SGCZ: variants seen among roughly 807,000 people sequenced by gnomAD.
SGCZ encodes the protein sarcoglycan zeta, also known as zeta-sarcoglycan.
SGCZ carries 40 observed loss-of-function variants against 41.3 expected under a neutral mutation model. That is an observed-to-expected ratio of 0.97 (90% CI 0.75 to 1.26). The LOEUF (loss-of-function observed/expected upper bound fraction) is 1.26. Among genes scored for constraint, SGCZ ranks in the 50% most tolerant of loss-of-function variants. SGCZ has a pLI of 0.00. For missense variants in SGCZ, 552 were observed against 369.8 expected, an observed-to-expected ratio of 1.49 and a Z score of -4.04; for synonymous variants, 206 against 137.5, an observed-to-expected ratio of 1.50 and a Z score of -3.49.
chr8:14,606,127 G>A (rs1805741009), intron 1 of SGCZ, among the ~76,000 whole-genome samples: 1 of 151,766 alleles, frequency 6.6e-6, no homozygotes, highest in South Asian at 2.1e-4. Context: ...GAGGAACAAT[G>A]TATAGCCATG....
Position 15,187,828 on chromosome 8 carries a change from T to G in SGCZ, c.39+49757A>C, listed in dbSNP as rs550493614. On this transcript the variant is annotated intron_variant, in intron 1 of 7. Coordinates refer to ENST00000382080, the MANE Select transcript of SGCZ (RefSeq NM_139167.4). ...CCAATTCAAGTGCTTTCTCCAAATGTAGCATTTAAATTCCAAGTAAACTAT... is the reference window on the plus strand; with the variant it reads ...CCAATTCAAGTGCTTTCTCCAAATGGAGCATTTAAATTCCAAGTAAACTAT... Among the ~76,000 whole-genome samples, 88 of 152,126 alleles carry G rather than the reference T, an allele frequency of 5.8e-4. 2 individuals carry two copies. The South Asian group carries it at 0.018, about 31-fold the overall frequency.
intron 1 of SGCZ, among the ~76,000 whole-genome samples, chr8:14,561,167 C>T (rs907917715): frequency 1.3e-5 from 2 of 152,076 alleles, no homozygotes; most frequent in Non-Finnish European, 2.9e-5. Flanking sequence ...TGCAAACTAT[C>T]CTCCATTTGA....
chr8:15,192,739 T>A (rs1012668937), intron 1 of SGCZ, among the ~76,000 whole-genome samples: 1 of 152,104 alleles, frequency 6.6e-6, no homozygotes, highest in African/African-American at 2.4e-5. Flanking sequence ...TCCACTGAAG[T>A]CTTCTGCCCC....
chr8:14,927,405 G>T (rs1355607029), intron 1 of SGCZ, among the ~76,000 whole-genome samples: 1 of 151,908 alleles, frequency 6.6e-6, no homozygotes, highest in Non-Finnish European at 1.5e-5. Flanking sequence ...CACCGCGCCC[G>T]GCCAAGTTCC....
chr8:14,287,929 G>C (rs774186990), intron 3 of SGCZ, among the ~76,000 whole-genome samples: 1 of 152,004 alleles, frequency 6.6e-6, no homozygotes, highest in African/African-American at 2.4e-5. Context: ...AGGGACTATA[G>C]GATTTATTCC....
intron 5 of SGCZ, among the ~76,000 whole-genome samples, chr8:14,153,083 G>C (rs191867995): frequency 9.9e-5 from 15 of 152,232 alleles, no homozygotes; most frequent in Admixed American, 8.5e-4. Context: ...TGATGGAACT[G>C]TTCTGTGTCT....
intron 1 of SGCZ, among the ~76,000 whole-genome samples, chr8:15,216,082 A>G (rs1271152654): frequency 6.6e-6 from 1 of 152,262 alleles, no homozygotes; most frequent in East Asian, 1.9e-4. Context: ...GTGTGGCCCC[A>G]TCTACTCTGA....
chr8:14,977,613 G>C (rs1018657783), intron 1 of SGCZ, among the ~76,000 whole-genome samples: 5 of 151,866 alleles, frequency 3.3e-5, no homozygotes, highest in Non-Finnish European at 7.4e-5. Context: ...TTAGAATACA[G>C]GAAAATAAAG....
chr8:14,585,531 G>C (rs1563133372), intron 1 of SGCZ, among the ~76,000 whole-genome samples: 2 of 151,948 alleles, frequency 1.3e-5, no homozygotes, highest in Non-Finnish European at 2.9e-5. Flanking sequence ...TAATTGTTAA[G>C]AGACTTGAAA....
At chr8:15,176,429 T>C (rs1422293233) in intron 1 of SGCZ, among the ~76,000 whole-genome samples, 1 of 152,224 alleles carries the variant, frequency 6.6e-6, no homozygotes, top group East Asian at 1.9e-4. Context: ...AATAGTCTAA[T>C]TGAAAGGTTT....
chr8:14,675,837 T>G (rs1311348103), intron 1 of SGCZ, among the ~76,000 whole-genome samples: 25 of 152,192 alleles, frequency 1.6e-4, no homozygotes, highest in Admixed American at 1.6e-3. Flanking sequence ...ATTTCCAAAC[T>G]GCTGTGCAGA....
intron 2 of SGCZ, among the ~76,000 whole-genome samples, chr8:14,339,469 C>A (rs1802624657): frequency 6.6e-6 from 1 of 152,174 alleles, no homozygotes; most frequent in Non-Finnish European, 1.5e-5. Context: ...ATGACCTCAC[C>A]ATCCATGCTC....
At chr8:15,068,528 A>G (rs1805234233) in intron 1 of SGCZ, among the ~76,000 whole-genome samples, 3 of 152,210 alleles carry the variant, frequency 2.0e-5, no homozygotes, top group Admixed American at 2.0e-4. Flanking sequence ...GAGAATTTTG[A>G]TGTTCACAGA....
chr8:15,110,477 A>G (rs1215915174), intron 1 of SGCZ, among the ~76,000 whole-genome samples: 1 of 152,226 alleles, frequency 6.6e-6, no homozygotes. Context: ...AGATAGCCAG[A>G]GAGCCTTCAG....
At chr8:14,412,351 A>T (rs555825000) in intron 2 of SGCZ, among the ~76,000 whole-genome samples, 1 of 152,228 alleles carries the variant, frequency 6.6e-6, no homozygotes, top group South Asian at 2.1e-4. Context: ...GTTTGCATCC[A>T]ATCTACAGCA....
intron 1 of SGCZ, among the ~76,000 whole-genome samples, chr8:14,856,681 T>C (rs914044281): frequency 6.6e-6 from 1 of 152,130 alleles, no homozygotes; most frequent in Non-Finnish European, 1.5e-5. Context: ...ATTCACAAAT[T>C]AAATCAGAGT....
At chr8:14,446,753 T>A (rs1215785441) in intron 2 of SGCZ, among the ~76,000 whole-genome samples, 1 of 152,124 alleles carries the variant, frequency 6.6e-6, no homozygotes, top group African/African-American at 2.4e-5. Flanking sequence ...TGTAATTGAG[T>A]CTTCATGCAC....
intron 1 of SGCZ, among the ~76,000 whole-genome samples, chr8:14,621,906 A>G (rs930756493): frequency 6.6e-6 from 1 of 152,024 alleles, no homozygotes; most frequent in Non-Finnish European, 1.5e-5. Flanking sequence ...ACTTATATCT[A>G]TAGAATAAGT....
chr8:14,575,108 A>G (rs1804667748), intron 1 of SGCZ, among the ~76,000 whole-genome samples: 1 of 152,232 alleles, frequency 6.6e-6, no homozygotes, highest in South Asian at 2.1e-4. Context: ...TTTTGCTTCA[A>G]AATGAAAATA....
Sources: gnomAD v4.1 joint callset for allele counts (sites outside exome capture counted in the v4.1 genomes callset) on GRCh38, gnomAD v4.1.1 for gene constraint, MANE v1.5 for transcripts, NCBI Gene and HGNC (gene_info 2026-07-23, HGNC 2026-07-21) for gene names.